GAB4: variants seen among roughly 807,000 people sequenced by gnomAD.
GAB4 encodes the protein GRB2-associated-binding protein 4.
In GAB4, 26 loss-of-function variants were observed where a neutral mutation model predicts 51.3. The ratio of observed to expected loss-of-function variants is 0.51; its 90% confidence interval spans 0.37 to 0.70. GAB4 has a LOEUF of 0.70. Ranked by LOEUF, GAB4 falls within the 30% of genes least tolerant of loss-of-function variation. GAB4 has a pLI of 0.00. For synonymous variants in GAB4, 329 were observed against 291.2 expected (o/e 1.13, Z -1.32); for missense variants, 759 against 734.6 (o/e 1.03, Z -0.38).
intron 2 of GAB4, among the ~76,000 whole-genome samples, chr22:16,991,073 G>A (rs1376910923): frequency 1.3e-5 from 2 of 152,078 alleles, no homozygotes; most frequent in South Asian, 2.1e-4. Flanking sequence ...AGTATCTGCT[G>A]AGCCCTGGAC....
At chr22:16,991,486 GT>G (rs1375382206) in intron 2 of GAB4, among the ~76,000 whole-genome samples, 7 of 152,168 alleles carry the variant, frequency 4.6e-5, no homozygotes, top group Non-Finnish European at 1.0e-4. Context: ...CCTCTCACCT[GT>G]CCCCTCCTAA....
chr22:16,982,408 GA>G (rs2060833884), intron 3 of GAB4, among the ~76,000 whole-genome samples: 2 of 151,986 alleles, frequency 1.3e-5, no homozygotes, highest in South Asian at 4.1e-4. Context: ...AAGAAATTAA[GA>G]AAGCAATCCC....
chr22:16,964,630 C>A, intron 8 of GAB4, 136 bp downstream of exon 8: 1 of 605,186 alleles, frequency 1.7e-6, no homozygotes. Flanking sequence ...TCAAGAAGAG[C>A]TTGCAATAGG....
intron 1 of GAB4, among the ~76,000 whole-genome samples, chr22:16,998,351 G>C (rs1289911293): frequency 6.6e-6 from 1 of 152,112 alleles, no homozygotes; most frequent in Non-Finnish European, 1.5e-5. Context: ...TCCTGGAAGA[G>C]GTCCTTCCTA....
intron 1 of GAB4, among the ~76,000 whole-genome samples, chr22:17,005,654 T>C (rs2061034786): frequency 1.3e-5 from 2 of 152,190 alleles, no homozygotes; most frequent in Admixed American, 6.5e-5. Context: ...GACAGATATA[T>C]AGACCAATGG....
chr22:16,966,651 A>G, intron 5 of GAB4: 1 of 408,894 alleles, frequency 2.4e-6, no homozygotes. Context: ...TTCAGTTCTT[A>G]CAGGTCCTGG....
chr22:17,005,982 C>A (rs1007720563), intron 1 of GAB4, among the ~76,000 whole-genome samples: 1 of 152,168 alleles, frequency 6.6e-6, no homozygotes, highest in Admixed American at 6.5e-5. Context: ...ATAACTAAAA[C>A]ATGAAAAGCA....
chr22:17,001,622 G>A (rs546337877), intron 1 of GAB4, among the ~76,000 whole-genome samples: 9 of 152,218 alleles, frequency 5.9e-5, no homozygotes, highest in South Asian at 2.1e-4. Context: ...ATTACTGATC[G>A]TCTGAAGCCT....
intron 3 of GAB4, among the ~76,000 whole-genome samples, chr22:16,979,409 C>T (rs1055481437): frequency 1.3e-5 from 2 of 152,064 alleles, no homozygotes; most frequent in African/African-American, 4.8e-5. Context: ...GAGTGAACTC[C>T]CAATCACAAT....
intron 1 of GAB4, among the ~76,000 whole-genome samples, chr22:17,004,730 A>T (rs189526886): frequency 1.8e-4 from 28 of 152,332 alleles, no homozygotes; most frequent in African/African-American, 5.3e-4. Context: ...TCCGTCACAT[A>T]AAAAGAACCA....
At chr22:16,991,777 CT>C in intron 2 of GAB4, 95 bp downstream of exon 2, 2 of 1,070,984 alleles carry the variant, frequency 1.9e-6, no homozygotes, top group Non-Finnish European at 2.8e-6. Flanking sequence ...CCCAACACTT[CT>C]TGGCAGTGTT....
intron 2 of GAB4, among the ~76,000 whole-genome samples, chr22:16,989,012 C>G (rs2060891774): frequency 6.6e-6 from 1 of 152,264 alleles, no homozygotes; most frequent in East Asian, 1.9e-4. Flanking sequence ...GCCCATGTTC[C>G]CGTTACATGC....
chr22:16,968,445 G>T, intron 4 of GAB4, 62 bp from the exon 5 acceptor site: 1 of 1,188,852 alleles, frequency 8.4e-7, no homozygotes, highest in Non-Finnish European at 1.3e-6. Context: ...TGCCTCCCAC[G>T]CCCTCCCCAG....
chr22:17,003,928 AAAGAATCAAATAGACACAACAAAG>A (rs2061018491), intron 1 of GAB4, among the ~76,000 whole-genome samples: 1 of 152,218 alleles, frequency 6.6e-6, no homozygotes, highest in South Asian at 2.1e-4. Flanking sequence ...CCAGACTAAT[AAAGAATCAAATAGACACAACAAAG>A]AAGAATCAAA....
intron 1 of GAB4, 52 bp downstream of exon 1, chr22:17,007,889 G>C: frequency 6.8e-7 from 1 of 1,478,384 alleles, no homozygotes. Flanking sequence ...CCCTCCCGGA[G>C]TCCCCAGACC....
chr22:16,968,147 T>G (rs1429912622), intron 5 of GAB4, 151 bp downstream of exon 5: 2 of 624,604 alleles, frequency 3.2e-6, no homozygotes, highest in East Asian at 5.5e-5. Context: ...ATCCAAAAAC[T>G]GAACCTATGG....
intron 1 of GAB4, among the ~76,000 whole-genome samples, chr22:16,997,595 G>T (rs2060960120): frequency 6.6e-6 from 1 of 152,218 alleles, no homozygotes; most frequent in Admixed American, 6.5e-5. Context: ...TAGGTTGCCT[G>T]TTCACTCTGA....
At chr22:17,003,419 A>G (rs1264634927) in intron 1 of GAB4, among the ~76,000 whole-genome samples, 3 of 152,210 alleles carry the variant, frequency 2.0e-5, no homozygotes, top group Non-Finnish European at 4.4e-5. Flanking sequence ...TCTAAAATTG[A>G]CTACAAAATT....
rs115690607 is a variant in GAB4, at chr22:16,992,267, C to T, written c.175-91G>A. The T allele has an allele frequency of 3.5e-3, 3,865 of 1,115,970 alleles. 106 individuals carry two copies. The African/African-American group carries it at 0.054, about 16-fold the overall frequency. The allele number at this position is 1,115,970 out of a possible 1,614,324, so 69.1% of individuals were successfully genotyped here. A position where few individuals can be genotyped will look rare whatever the true frequency, so the allele number is the denominator to read the frequency against. ...ACATCACTAAGTTAAGGATGGGACTCGGACCTGCACTCAGCCTATGTCTCC... is the reference window on the plus strand; with the variant it reads ...ACATCACTAAGTTAAGGATGGGACTTGGACCTGCACTCAGCCTATGTCTCC... On this transcript the variant is annotated intron_variant, in intron 1 of 9. Transcript: ENST00000400588.
Sources: allele counts gnomAD v4.1 joint callset (sites outside exome capture counted in the v4.1 genomes callset), GRCh38; gene constraint gnomAD v4.1.1; transcripts MANE v1.5; gene names NCBI Gene and HGNC (gene_info 2026-07-23, HGNC 2026-07-21).